Variants in FRAS1 observed in about 807,000 individuals in gnomAD.
FRAS1 encodes the protein extracellular matrix organizing protein FRAS1.
FRAS1 carries 290 observed loss-of-function variants against 435.2 expected under a neutral mutation model. The ratio of observed to expected loss-of-function variants is 0.67; its 90% CI spans 0.61 to 0.73. The LOEUF (loss-of-function observed/expected upper bound fraction) is 0.73. Among genes scored for constraint, FRAS1 ranks in the 30% least tolerant of loss-of-function variants. The pLI is 0.00. For synonymous variants in FRAS1, 1,800 were observed against 1,851.0 expected, an observed-to-expected ratio of 0.97 and a Z score of 0.71; for missense variants, 4,860 against 5,001.5, an observed-to-expected ratio of 0.97 and a Z score of 0.85.
chr4:78,235,341 A>G (rs1724703344), intron 2 of FRAS1, among the ~76,000 whole-genome samples: 1 of 152,218 alleles, frequency 6.6e-6, no homozygotes, highest in Non-Finnish European at 1.5e-5. Flanking sequence ...GAAAATGTCC[A>G]TTGCTAGCAT....
intron 2 of FRAS1, among the ~76,000 whole-genome samples, chr4:78,067,860 A>ATT (rs35606977): frequency 0.12 from 16,112 of 134,264 alleles, 1,257 homozygotes; most frequent in East Asian, 0.35. Context: ...CACCCAGCCA[A>ATT]TTTTTTTTTT....
chr4:78,157,835 A>G (rs974647110), intron 2 of FRAS1, among the ~76,000 whole-genome samples: 1 of 151,216 alleles, frequency 6.6e-6, no homozygotes, highest in Non-Finnish European at 1.5e-5. Context: ...CCATTTATCA[A>G]TTTTTGTTTT....
chr4:78,247,968 GA>G (rs2110127375), intron 4 of FRAS1, among the ~76,000 whole-genome samples: 1 of 152,302 alleles, frequency 6.6e-6, no homozygotes, highest in Admixed American at 6.5e-5. Context: ...TCAAATAAAG[GA>G]AAGTGAAGGA....
chr4:78,405,205 T>C (rs2110350273), intron 30 of FRAS1, among the ~76,000 whole-genome samples: 1 of 152,368 alleles, frequency 6.6e-6, no homozygotes, highest in East Asian at 1.9e-4. Flanking sequence ...AATTCTGCTT[T>C]GCTTTTTTAT....
At chr4:78,327,950 G>T (rs1443378811) in intron 18 of FRAS1, among the ~76,000 whole-genome samples, 2 of 152,124 alleles carry the variant, frequency 1.3e-5, no homozygotes. Context: ...ACTTTAAGAG[G>T]ATTGTCATCC....
intron 14 of FRAS1, among the ~76,000 whole-genome samples, chr4:78,293,756 A>T (rs939873824): frequency 6.6e-6 from 1 of 152,168 alleles, no homozygotes; most frequent in Non-Finnish European, 1.5e-5. Context: ...TATTATATTC[A>T]TATGCAGAAA....
chr4:78,490,628 A>G (rs1385989154), intron 59 of FRAS1, among the ~76,000 whole-genome samples: 2 of 152,228 alleles, frequency 1.3e-5, no homozygotes, highest in South Asian at 4.1e-4. Flanking sequence ...ACAACATACC[A>G]GAATCCCTGG....
intron 2 of FRAS1, chr4:78,181,889 C>T: frequency 6.2e-7 from 1 of 1,611,542 alleles, no homozygotes; most frequent in Non-Finnish European, 8.5e-7. Context: ...CTGAGCTGCG[C>T]TCTTGGCCCC....
chr4:78,136,849 T>A (rs1719939375), intron 2 of FRAS1, among the ~76,000 whole-genome samples: 1 of 152,178 alleles, frequency 6.6e-6, no homozygotes, highest in Non-Finnish European at 1.5e-5. Flanking sequence ...AGTGTGAGCT[T>A]CCCCACCCTA....
At chr4:78,387,330 C>T (rs1380093154) in intron 28 of FRAS1, 45 bp from the exon 29 acceptor site, 1 of 1,440,092 alleles carries the variant, frequency 6.9e-7, no homozygotes, top group Admixed American at 1.9e-5. Context: ...CTGGATTGTC[C>T]TTTCTTTCCC....
At chr4:78,420,592 T>TTACAAATTCAGTTCTTAGAATAAA (rs1553958021) in intron 33 of FRAS1, among the ~76,000 whole-genome samples, 1 of 152,124 alleles carries the variant, frequency 6.6e-6, no homozygotes, top group Admixed American at 6.5e-5. Flanking sequence ...CTTAGAATAA[T>TTACAAATTCAGTTCTTAGAATAAA]CAAGACCCAT....
intron 59 of FRAS1, among the ~76,000 whole-genome samples, chr4:78,495,920 G>A (rs75991454): frequency 0.011 from 1,738 of 152,168 alleles, 29 homozygotes; most frequent in African/African-American, 0.04. Flanking sequence ...ATTCTTCAGG[G>A]ACTTAAAATC....
chr4:78,384,870 C>T (rs548551188), intron 28 of FRAS1, among the ~76,000 whole-genome samples: 13 of 145,842 alleles, frequency 8.9e-5, no homozygotes, highest in Admixed American at 4.1e-4. Flanking sequence ...ATCATGCCAC[C>T]GTGCCCCAGC....
chr4:78,321,693 A>T (rs1729512801), intron 18 of FRAS1, among the ~76,000 whole-genome samples: 1 of 151,940 alleles, frequency 6.6e-6, no homozygotes, highest in African/African-American at 2.4e-5. Flanking sequence ...AAAATACAAA[A>T]AATTAGCTGG....
chr4:78,474,840 T>C (rs1340078023), intron 53 of FRAS1, among the ~76,000 whole-genome samples: 1 of 152,240 alleles, frequency 6.6e-6, no homozygotes, highest in Admixed American at 6.5e-5. Context: ...ATATGAATAG[T>C]TGGCCTTCTA....
intron 66 of FRAS1, among the ~76,000 whole-genome samples, chr4:78,517,914 A>G (rs567541940): frequency 6.6e-6 from 1 of 152,310 alleles, no homozygotes; most frequent in African/African-American, 2.4e-5. Context: ...GGGACAGAAC[A>G]TGGTACAAGG....
chr4:78,429,577 A>G (rs1734132124), intron 36 of FRAS1, among the ~76,000 whole-genome samples: 1 of 152,220 alleles, frequency 6.6e-6, no homozygotes. Context: ...GAAAGTGAAG[A>G]GTAGCAGGAG....
chr4:78,451,920 A>G (rs1231715623), intron 46 of FRAS1, 29 bp downstream of exon 46: 7 of 1,585,218 alleles, frequency 4.4e-6, no homozygotes, highest in Non-Finnish European at 4.3e-6. Flanking sequence ...TTCTAATATA[A>G]AACTATTTTA....
intron 20 of FRAS1, among the ~76,000 whole-genome samples, chr4:78,347,490 C>T (rs552677954): frequency 4.6e-5 from 7 of 152,258 alleles, no homozygotes; most frequent in Non-Finnish European, 8.8e-5. Flanking sequence ...AATCCTTCAC[C>T]CTGATTTTCA....
Sources: gnomAD v4.1 joint callset for allele counts (sites outside exome capture counted in the v4.1 genomes callset) on GRCh38, gnomAD v4.1.1 for gene constraint, MANE v1.5 for transcripts, NCBI Gene and HGNC (gene_info 2026-07-23, HGNC 2026-07-21) for gene names.